HSDL2: variants seen among roughly 807,000 people sequenced by gnomAD.
HSDL2 encodes hydroxysteroid dehydrogenase like 2, also known as hydroxysteroid dehydrogenase-like protein 2.
A neutral mutation model predicts 46.3 loss-of-function variants in HSDL2; 27 were observed. The ratio of observed to expected loss-of-function variants is 0.58; its 90% confidence interval spans 0.43 to 0.80. The LOEUF is 0.80. Among genes scored for constraint, HSDL2 ranks in the 30% least tolerant of loss-of-function variants. HSDL2 has a pLI of 0.00. For missense variants in HSDL2, 451 were observed against 502.7 expected, an observed-to-expected ratio of 0.90 and a Z score of 0.98; for synonymous variants, 153 against 163.6, an observed-to-expected ratio of 0.94 and a Z score of 0.50.
At chr9:112,456,594 T>C (rs7030568) in intron 9 of HSDL2, among the ~76,000 whole-genome samples, 145,512 of 152,254 alleles carry the variant, frequency 0.96, 69,600 homozygotes, top group African/African-American at 0.98. Flanking sequence ...CGACACTCTA[T>C]TCCTGACACT....
At chr9:112,420,740 T>G (rs1488934821) in intron 6 of HSDL2, among the ~76,000 whole-genome samples, 1 of 152,198 alleles carries the variant, frequency 6.6e-6, no homozygotes, top group Non-Finnish European at 1.5e-5. Flanking sequence ...CATATACATT[T>G]CTGTTACATT....
intron 8 of HSDL2, among the ~76,000 whole-genome samples, chr9:112,448,776 C>T (rs1328366220): frequency 1.3e-5 from 2 of 151,902 alleles, no homozygotes; most frequent in African/African-American, 2.4e-5. Flanking sequence ...AGGATGGTCT[C>T]GATCTCCTGA....
At chr9:112,468,133 G>A (rs1411741346) in intron 10 of HSDL2, among the ~76,000 whole-genome samples, 4 of 151,986 alleles carry the variant, frequency 2.6e-5, no homozygotes, top group African/African-American at 4.8e-5. Flanking sequence ...TAAGATTATC[G>A]TTGAGAATTT....
intron 6 of HSDL2, among the ~76,000 whole-genome samples, chr9:112,432,639 C>A (rs1183762179): frequency 3.3e-5 from 5 of 152,186 alleles, no homozygotes; most frequent in Admixed American, 3.3e-4. Flanking sequence ...TCAAGATATT[C>A]ATTTTAGAAG....
chr9:112,386,618 C>CAA (rs1554707855), intron 1 of HSDL2, among the ~76,000 whole-genome samples: 2 of 85,436 alleles, frequency 2.3e-5, no homozygotes. Flanking sequence ...TCTGTCTCTA[C>CAA]CAAAAAAAAA....
At chr9:112,467,062 TG>T (rs1394758386) in intron 10 of HSDL2, among the ~76,000 whole-genome samples, 1 of 152,200 alleles carries the variant, frequency 6.6e-6, no homozygotes, top group African/African-American at 2.4e-5. Flanking sequence ...AATTTCTACT[TG>T]TAAATATATA....
At chr9:112,465,331 G>C (rs1833344064) in intron 10 of HSDL2, among the ~76,000 whole-genome samples, 1 of 152,128 alleles carries the variant, frequency 6.6e-6, no homozygotes, top group Non-Finnish European at 1.5e-5. Flanking sequence ...ATTTCACCAT[G>C]TTGGCCAGGC....
intron 6 of HSDL2, among the ~76,000 whole-genome samples, chr9:112,436,242 C>CA (rs527930574): frequency 0.06 from 4,610 of 76,450 alleles, 151 homozygotes; most frequent in East Asian, 0.1. Flanking sequence ...GACCCTATCT[C>CA]AAAAAAAAAA....
chr9:112,397,745 AG>A (rs1344176288), intron 1 of HSDL2, among the ~76,000 whole-genome samples: 30 of 152,326 alleles, frequency 2.0e-4, no homozygotes, highest in Middle Eastern at 3.4e-3. Context: ...GAGTTAGAAC[AG>A]CTTTTGCCAA....
intron 6 of HSDL2, among the ~76,000 whole-genome samples, chr9:112,419,417 AC>A (rs1334422510): frequency 6.6e-6 from 1 of 152,198 alleles, no homozygotes; most frequent in Non-Finnish European, 1.5e-5. Flanking sequence ...TTATTGTACA[AC>A]ATAAGATCCT....
At chr9:112,443,084 A>G (rs1464000806) in intron 8 of HSDL2, among the ~76,000 whole-genome samples, 4 of 152,176 alleles carry the variant, frequency 2.6e-5, no homozygotes, top group Admixed American at 6.5e-5. Context: ...GGTGGAAAAT[A>G]CCTAGAGAGC....
intron 6 of HSDL2, among the ~76,000 whole-genome samples, chr9:112,430,976 C>T (rs546073315): frequency 2.0e-5 from 3 of 148,812 alleles, no homozygotes; most frequent in Non-Finnish European, 3.0e-5. Flanking sequence ...TGCTTGAACC[C>T]GGGAGGTGGA....
intron 1 of HSDL2, among the ~76,000 whole-genome samples, chr9:112,391,181 T>A (rs2132599806): frequency 6.6e-6 from 1 of 150,384 alleles, no homozygotes; most frequent in Non-Finnish European, 1.5e-5. Flanking sequence ...ATCTCAAAAA[T>A]AATAATAATA....
intron 1 of HSDL2, among the ~76,000 whole-genome samples, chr9:112,393,575 C>T (rs1212644184): frequency 6.6e-6 from 1 of 152,228 alleles, no homozygotes; most frequent in African/African-American, 2.4e-5. Context: ...GGTGTAACGC[C>T]ACTCTGGCAG....
chr9:112,433,228 C>T (rs983828520), intron 6 of HSDL2, among the ~76,000 whole-genome samples: 3 of 152,132 alleles, frequency 2.0e-5, no homozygotes, highest in South Asian at 2.1e-4. Context: ...GAGGGAGCGA[C>T]GCATGCAAAG....
At chr9:112,454,278 T>C in intron 9 of HSDL2, 116 bp downstream of exon 9, 2 of 742,404 alleles carry the variant, frequency 2.7e-6, no homozygotes, top group Non-Finnish European at 4.4e-6. Flanking sequence ...TTCAAGACCC[T>C]TACTCTTGAA....
At chr9:112,394,494 C>T (rs1460697043) in intron 1 of HSDL2, among the ~76,000 whole-genome samples, 1 of 152,148 alleles carries the variant, frequency 6.6e-6, no homozygotes, top group African/African-American at 2.4e-5. Flanking sequence ...TATTACTAAA[C>T]CATGTGAGTC....
At chr9:112,448,119 T>G (rs1345505227) in intron 8 of HSDL2, among the ~76,000 whole-genome samples, 1 of 152,114 alleles carries the variant, frequency 6.6e-6, no homozygotes, top group Admixed American at 6.6e-5. Flanking sequence ...GGAATAAGAG[T>G]GATGGTACAT....
chr9:112,380,717 T>G (rs1161750331), intron 1 of HSDL2, among the ~76,000 whole-genome samples: 1 of 152,190 alleles, frequency 6.6e-6, no homozygotes. Context: ...TCTGCCATCT[T>G]AACCGTTTTT....
Sources: gnomAD v4.1 joint callset for allele counts (sites outside exome capture counted in the v4.1 genomes callset) on GRCh38, gnomAD v4.1.1 for gene constraint, MANE v1.5 for transcripts, NCBI Gene and HGNC (gene_info 2026-07-23, HGNC 2026-07-21) for gene names.